FOXP1: variants seen among roughly 807,000 people sequenced by gnomAD.
FOXP1 encodes the protein forkhead box P1.
A neutral mutation model predicts 98.2 loss-of-function variants in FOXP1; 15 were observed. The ratio of observed to expected loss-of-function variants is 0.15; its 90% CI spans 0.10 to 0.24. FOXP1 has a LOEUF of 0.24. Ranked by LOEUF, FOXP1 falls within the 10% of genes least tolerant of loss-of-function variation. FOXP1 has a pLI of 1.00. For synonymous variants in FOXP1, 371 were observed against 314.5 expected, an observed-to-expected ratio of 1.18 and a Z score of -1.90; for missense variants, 633 against 848.5, an observed-to-expected ratio of 0.75 and a Z score of 3.15.
intron 3 of FOXP1, among the ~76,000 whole-genome samples, chr3:71,445,979 T>C (rs1364108267): frequency 6.6e-6 from 1 of 152,184 alleles, no homozygotes; most frequent in African/African-American, 2.4e-5. Flanking sequence ...TGAGCCACCG[T>C]GCCCGGCCTA....
At position 71,199,791 on chromosome 3, in the gene FOXP1, C is replaced by A. The variant is rs577269167; in HGVS notation, c.-11-1399G>T. ...CAAAATGAGTAGCTAGAAAATATCACTTAGGGCCAGGCGCGGTGGCTCACG... is the reference window on the plus strand; with the variant it reads ...CAAAATGAGTAGCTAGAAAATATCAATTAGGGCCAGGCGCGGTGGCTCACG... On this transcript the variant is annotated intron_variant, in intron 5 of 20. Coordinates refer to ENST00000649528, the MANE Select transcript of FOXP1 (RefSeq NM_001349338.3). Among the ~76,000 whole-genome samples the A allele has an allele frequency of 3.3e-5, 5 of 150,366 alleles. 1 individual carries two copies. In the East Asian group the frequency reaches 1.0e-3, roughly 30 times the overall value.
intron 7 of FOXP1, among the ~76,000 whole-genome samples, chr3:71,069,864 A>AT: frequency 6.6e-6 from 1 of 152,318 alleles, no homozygotes; most frequent in Non-Finnish European, 1.5e-5. Flanking sequence ...GACCACCTTT[A>AT]TTTAGTACAG....
At chr3:71,508,404 G>A (rs1418977149) in intron 2 of FOXP1, among the ~76,000 whole-genome samples, 2 of 152,206 alleles carry the variant, frequency 1.3e-5, no homozygotes, top group Non-Finnish European at 2.9e-5. Flanking sequence ...CTAGGCAGGC[G>A]CTGGGCTCGT....
chr3:70,996,668 T>C (rs1026722156), intron 13 of FOXP1, among the ~76,000 whole-genome samples: 4 of 152,204 alleles, frequency 2.6e-5, no homozygotes, highest in Non-Finnish European at 5.9e-5. Flanking sequence ...CCAGCTTTGG[T>C]TGCTTCTACA....
chr3:71,386,408 T>C (rs2080575573), intron 3 of FOXP1, among the ~76,000 whole-genome samples: 1 of 152,134 alleles, frequency 6.6e-6, no homozygotes, highest in South Asian at 2.1e-4. Context: ...TCACATGACT[T>C]TTCCAAGACT....
At chr3:71,401,412 C>G (rs996257269) in intron 3 of FOXP1, among the ~76,000 whole-genome samples, 1 of 152,100 alleles carries the variant, frequency 6.6e-6, no homozygotes, top group South Asian at 2.1e-4. Context: ...TTTCTCACAC[C>G]GACTGAAAAA....
chr3:71,399,648 A>G (rs1450928400), intron 3 of FOXP1, among the ~76,000 whole-genome samples: 1 of 152,188 alleles, frequency 6.6e-6, no homozygotes, highest in East Asian at 1.9e-4. Flanking sequence ...CAACCTTCTG[A>G]GATGGAGCAT....
chr3:71,509,820 G>A (rs2042073282), intron 2 of FOXP1, among the ~76,000 whole-genome samples: 1 of 152,174 alleles, frequency 6.6e-6, no homozygotes, highest in African/African-American at 2.4e-5. Context: ...GTTTCAGATT[G>A]CAATGAGCTA....
chr3:71,244,295 G>A (rs1225068353), intron 5 of FOXP1, among the ~76,000 whole-genome samples: 3 of 152,188 alleles, frequency 2.0e-5, no homozygotes, highest in African/African-American at 4.8e-5. Context: ...CAGTGCGTGC[G>A]CTCTCATCCC....
chr3:71,338,142 T>C (rs1278906650), intron 4 of FOXP1, among the ~76,000 whole-genome samples: 1 of 152,086 alleles, frequency 6.6e-6, no homozygotes, highest in African/African-American at 2.4e-5. Flanking sequence ...ATAAGAGAAA[T>C]GGGAGGCTAT....
intron 5 of FOXP1, among the ~76,000 whole-genome samples, chr3:71,248,610 G>A (rs148592373): frequency 2.1e-4 from 32 of 152,074 alleles, no homozygotes; most frequent in African/African-American, 6.8e-4. Flanking sequence ...GCATAGTGGC[G>A]CGCACATGTA....
chr3:71,270,746 G>A (rs759818607), intron 5 of FOXP1, among the ~76,000 whole-genome samples: 36 of 152,318 alleles, frequency 2.4e-4, no homozygotes, highest in Non-Finnish European at 4.9e-4. Context: ...AAGTTACCAA[G>A]TGGAGTGGAC....
chr3:70,975,357 T>C (rs374808926), intron 17 of FOXP1, among the ~76,000 whole-genome samples: 6 of 152,262 alleles, frequency 3.9e-5, no homozygotes, highest in South Asian at 2.1e-4. Context: ...ATTTTGAACA[T>C]AGGTTCCCTT....
chr3:71,502,719 T>G (rs2133627), intron 2 of FOXP1, among the ~76,000 whole-genome samples: 25,029 of 152,144 alleles, frequency 0.16, 2,415 homozygotes, highest in Non-Finnish European at 0.22. Context: ...TCCTGCAGTA[T>G]CAAACCTAAG....
chr3:71,168,686 C>T (rs1414194396), intron 6 of FOXP1, among the ~76,000 whole-genome samples: 1 of 152,202 alleles, frequency 6.6e-6, no homozygotes, highest in Non-Finnish European at 1.5e-5. Flanking sequence ...TTGGTAGAGC[C>T]ATTTCTTCAG....
chr3:71,256,272 G>A (rs549933018), intron 5 of FOXP1, among the ~76,000 whole-genome samples: 9 of 152,136 alleles, frequency 5.9e-5, no homozygotes, highest in East Asian at 1.9e-4. Context: ...AGGAAACTGC[G>A]CCTCTCTCCA....
intron 3 of FOXP1, among the ~76,000 whole-genome samples, chr3:71,394,673 T>C (rs1182198776): frequency 6.6e-6 from 1 of 152,180 alleles, no homozygotes; most frequent in Non-Finnish European, 1.5e-5. Context: ...ATACCGACCC[T>C]TGTGTCAAAG....
chr3:71,028,225 C>T (rs1352138731), intron 11 of FOXP1, among the ~76,000 whole-genome samples: 2 of 152,142 alleles, frequency 1.3e-5, no homozygotes, highest in African/African-American at 4.8e-5. Flanking sequence ...AATGTTGAGT[C>T]TTGGCTCTGA....
chr3:71,547,114 T>G (rs953281713), intron 2 of FOXP1, among the ~76,000 whole-genome samples: 2 of 152,166 alleles, frequency 1.3e-5, no homozygotes, highest in Non-Finnish European at 2.9e-5. Context: ...TACAAAAAGG[T>G]TCAAGGGGGA....
Sources: gnomAD v4.1 joint callset for allele counts (sites outside exome capture counted in the v4.1 genomes callset) on GRCh38, gnomAD v4.1.1 for gene constraint, MANE v1.5 for transcripts, NCBI Gene and HGNC (gene_info 2026-07-23, HGNC 2026-07-21) for gene names.